SVIL: variants seen among roughly 807,000 people sequenced by gnomAD.
SVIL encodes supervillin, also known as archvillin.
In SVIL, 101 loss-of-function variants were observed where a neutral mutation model predicts 240.4. The ratio of observed to expected loss-of-function variants is 0.42; its 90% CI spans 0.36 to 0.50. The LOEUF (loss-of-function observed/expected upper bound fraction) is 0.50, where lower values mean the gene tolerates loss of function less well. Ranked by LOEUF, SVIL falls within the 20% of genes least tolerant of loss-of-function variation. The pLI is 0.01. For missense variants in SVIL, 2,512 were observed against 2,818.7 expected, an observed-to-expected ratio of 0.89 and a Z score of 2.46; for synonymous variants, 999 against 1,100.0, an observed-to-expected ratio of 0.91 and a Z score of 1.82.
intron 2 of SVIL, among the ~76,000 whole-genome samples, chr10:29,680,105 A>C (rs1299590533): frequency 6.6e-6 from 1 of 152,138 alleles, no homozygotes; most frequent in Non-Finnish European, 1.5e-5. Context: ...GGATCTCTTA[A>C]GTCCAAGGGG....
chr10:29,528,462 G>A (rs1003000095), intron 12 of SVIL, among the ~76,000 whole-genome samples: 1 of 152,130 alleles, frequency 6.6e-6, no homozygotes, highest in Non-Finnish European at 1.5e-5. Context: ...AACTAGGCTG[G>A]GTACAGTGGC....
At chr10:29,527,404 T>C (rs964278246) in intron 12 of SVIL, among the ~76,000 whole-genome samples, 17 of 152,148 alleles carry the variant, frequency 1.1e-4, no homozygotes, top group Admixed American at 5.2e-4. Context: ...TGTTTTAGAA[T>C]ATTGTTTCCA....
intron 1 of SVIL, among the ~76,000 whole-genome samples, chr10:29,723,044 G>A (rs58935949): frequency 0.11 from 17,055 of 152,182 alleles, 1,062 homozygotes; most frequent in South Asian, 0.22. Flanking sequence ...TGAAAATCCC[G>A]GCAGACTGCC....
At chr10:29,504,542 T>C (rs1311617736) in intron 17 of SVIL, among the ~76,000 whole-genome samples, 3 of 152,188 alleles carry the variant, frequency 2.0e-5, no homozygotes, top group African/African-American at 7.2e-5. Context: ...TCTGAATAGA[T>C]ACCTCACCAA....
At chr10:29,639,596 G>A (rs1346315842), upstream of SVIL, among the ~76,000 whole-genome samples, 1 of 150,992 alleles carries the variant, frequency 6.6e-6, no homozygotes. Context: ...AGCCTCCCAA[G>A]TAGCTGGGAT....
chr10:29,568,031 A>AC (rs1389343758), intron 2 of SVIL, among the ~76,000 whole-genome samples: 2 of 151,788 alleles, frequency 1.3e-5, no homozygotes, highest in East Asian at 3.9e-4. Context: ...AAAAAAACAA[A>AC]AAAAAAAACA....
At chr10:29,721,572 A>G (rs191385167) in intron 1 of SVIL, among the ~76,000 whole-genome samples, 94 of 152,232 alleles carry the variant, frequency 6.2e-4, no homozygotes, top group African/African-American at 1.9e-3. Flanking sequence ...TTTATAAATA[A>G]CAAGTAGAAT....
chr10:29,473,686 A>G, intron 30 of SVIL, 152 bp downstream of exon 30: 1 of 936,332 alleles, frequency 1.1e-6, no homozygotes, highest in Non-Finnish European at 1.6e-6. Flanking sequence ...ACAGCCTGAG[A>G]CCTGCAGAAG....
At chr10:29,541,411 T>A (rs1385069902) in intron 6 of SVIL, among the ~76,000 whole-genome samples, 1 of 152,236 alleles carries the variant, frequency 6.6e-6, no homozygotes, top group Non-Finnish European at 1.5e-5. Flanking sequence ...CCAAGCTGCA[T>A]CCTTAAAATC....
chr10:29,626,645 G>A (rs1033796038), intron 1 of SVIL, among the ~76,000 whole-genome samples: 15 of 152,146 alleles, frequency 9.9e-5, no homozygotes, highest in Non-Finnish European at 2.2e-4. Context: ...AATAAATTAG[G>A]TTAGAGAAAA....
intron 29 of SVIL, among the ~76,000 whole-genome samples, chr10:29,480,103 G>A (rs567065965): frequency 2.6e-5 from 4 of 152,310 alleles, no homozygotes; most frequent in African/African-American, 7.2e-5. Flanking sequence ...TCTTCTGTGC[G>A]TGTATTTACT....
At chr10:29,649,901 C>A (rs1196047321) in intron 3 of SVIL, among the ~76,000 whole-genome samples, 1 of 152,156 alleles carries the variant, frequency 6.6e-6, no homozygotes, top group Non-Finnish European at 1.5e-5. Context: ...ATATCATTAT[C>A]ACAGAAGTGG....
At chr10:29,545,998 G>A (rs928215861) in intron 6 of SVIL, among the ~76,000 whole-genome samples, 1 of 152,040 alleles carries the variant, frequency 6.6e-6, no homozygotes, top group African/African-American at 2.4e-5. Context: ...GGCAACAGCA[G>A]GACTGAAGAC....
At chr10:29,622,241 C>T (rs549266256) in intron 1 of SVIL, among the ~76,000 whole-genome samples, 40 of 114,824 alleles carry the variant, frequency 3.5e-4, no homozygotes, top group African/African-American at 1.3e-3. Context: ...CAGAGTGAGA[C>T]TCCGTCTCAA....
intron 2 of SVIL, among the ~76,000 whole-genome samples, chr10:29,676,231 C>T (rs1342693851): frequency 1.3e-5 from 2 of 152,208 alleles, no homozygotes; most frequent in African/African-American, 4.8e-5. Flanking sequence ...CCTGGCAGTA[C>T]TGATTATCTC....
chr10:29,493,158 T>A, intron 21 of SVIL, 56 bp downstream of exon 21: 2 of 1,561,692 alleles, frequency 1.3e-6, no homozygotes, highest in Non-Finnish European at 1.7e-6. Context: ...ATGTGCCCTC[T>A]GCAGGCGAAG....
chr10:29,589,883 T>G (rs1956317838), intron 1 of SVIL, among the ~76,000 whole-genome samples: 1 of 152,084 alleles, frequency 6.6e-6, no homozygotes, highest in South Asian at 2.1e-4. Flanking sequence ...AAAATAATGT[T>G]GTTGGCCAGG....
intron 2 of SVIL, among the ~76,000 whole-genome samples, chr10:29,567,498 A>T (rs1348313634): frequency 6.6e-6 from 1 of 152,174 alleles, no homozygotes; most frequent in African/African-American, 2.4e-5. Flanking sequence ...CCCATTTCAC[A>T]CTTAGCACCA....
intron 1 of SVIL, among the ~76,000 whole-genome samples, chr10:29,706,042 C>A (rs976564975): frequency 4.6e-5 from 7 of 152,134 alleles, no homozygotes; most frequent in African/African-American, 1.7e-4. Flanking sequence ...CTGGGCATAG[C>A]AGCTCATGCC....
Sources: gnomAD v4.1 joint callset for allele counts (sites outside exome capture counted in the v4.1 genomes callset) on GRCh38, gnomAD v4.1.1 for gene constraint, MANE v1.5 for transcripts, NCBI Gene and HGNC (gene_info 2026-07-23, HGNC 2026-07-21) for gene names.